Variants in FCER2 observed in about 807,000 individuals in gnomAD.
FCER2 encodes low affinity immunoglobulin epsilon Fc receptor.
A neutral mutation model predicts 49.7 loss-of-function variants in FCER2; 38 were observed. The ratio of observed to expected loss-of-function variants is 0.76; its 90% CI spans 0.59 to 1.00. FCER2 has a LOEUF of 1.00. Ranked by LOEUF, FCER2 falls within the 50% of genes least tolerant of loss-of-function variation. The pLI is 0.00. For synonymous variants in FCER2, 163 were observed against 164.6 expected (o/e 0.99, Z 0.07); for missense variants, 425 against 419.5 (o/e 1.01, Z -0.11).
chr19:7,698,676 G>T, intron 3 of FCER2, 65 bp downstream of exon 3: 1 of 1,572,624 alleles, frequency 6.4e-7, no homozygotes, highest in Non-Finnish European at 8.6e-7. Context: ...AGATGGGGGT[G>T]AAGGAGGGAA....
rs917347485 is a variant in FCER2, at chr19:7,696,919, G to C, written c.380-5C>G. ...CTTCGTTCCTCTCGTTCAATTCTTG[G>C]GGAGTCAACAAGGGGCGGTGCTCAG... On this transcript the variant is annotated splice_region_variant and splice_polypyrimidine_tract_variant and intron_variant, in intron 7 of 10. Transcript: ENST00000597921. The C allele has an allele frequency of 2.5e-6, 4 of 1,577,354 alleles. No homozygotes were observed. Among genetic ancestry groups the C allele is most frequent in the Non-Finnish European group, 3.4e-6 (4 of 1,160,670 alleles).
At chr19:7,700,257 C>G (rs2033124339) in intron 1 of FCER2, among the ~76,000 whole-genome samples, 1 of 152,190 alleles carries the variant, frequency 6.6e-6, no homozygotes. Flanking sequence ...CATTCTCAGC[C>G]TCAGTTTTCC....
At position 7,697,316 on chromosome 19, in the gene FCER2, G is replaced by A. The variant is rs773195059; in HGVS notation, c.254-18C>T. 1.4e-5 allele frequency: 23 copies of A among 1,613,462 alleles called. No homozygotes were observed. In the South Asian group the frequency reaches 2.5e-4, roughly 18 times the overall value. On this transcript the variant is annotated intron_variant, in intron 5 of 10. Transcript: ENST00000597921. ...CTGCGTGGCTGTTTGCAGGGGAGGG[G>A]GCTTCATGGTAAGCAGGTCCTCATT...
At chr19:7,696,730 GC>G (rs1159659740) in intron 8 of FCER2, 94 bp downstream of exon 8, 2 of 854,570 alleles carry the variant, frequency 2.3e-6, no homozygotes, top group Admixed American at 4.5e-5. Context: ...TAGACATGCT[GC>G]CTCACGTCAC....
intron 1 of FCER2, 136 bp from the exon 2 acceptor site, chr19:7,699,981 G>A (rs934356682): frequency 1.2e-4 from 72 of 598,698 alleles, no homozygotes; most frequent in Non-Finnish European, 1.9e-4. Context: ...TCACTAGCGT[G>A]GTTAGCAGGG....
At chr19:7,695,773 C>G (rs1038594578) in intron 8 of FCER2, among the ~76,000 whole-genome samples, 6 of 152,170 alleles carry the variant, frequency 3.9e-5, no homozygotes, top group Middle Eastern at 3.4e-3. Flanking sequence ...AAAAATTAGC[C>G]TGGCGTGGTG....
In FCER2 at chr19:7,696,907, G is replaced by A. The variant is rs777697965; in HGVS notation, c.387C>T (p.Asn129=). Residue 129 remains asparagine (N), a synonymous_variant, in exon 8 of 11, where the codon AAC becomes AAT. Transcript: ENST00000597921. The stretch of plus-strand genomic sequence containing the variant: ...GCAAATCTGAAGCTTCGTTCCTCTC[G>A]TTCAATTCTTGGGGAGTCAACAAGG... ...DLSSFKSQEL[N]ERNEASDLLE... is the part of the protein sequence containing the mutation. 2.4e-5 allele frequency: 38 copies of A among 1,581,758 alleles called. No homozygotes were observed. The highest frequency in any genetic ancestry group is 9.1e-5 in the Admixed American group (5 of 54,730).
chr19:7,701,663 G>C (rs887327299), intron 1 of FCER2, among the ~76,000 whole-genome samples: 5 of 152,084 alleles, frequency 3.3e-5, no homozygotes, highest in African/African-American at 1.2e-4. Context: ...CTACTGGTAA[G>C]TGCTGGGTGG....
chr19:7,689,324 C>T lies in FCER2; in HGVS notation c.835G>A (p.Ala279Thr). 2.5e-6 allele frequency: 4 copies of T among 1,613,118 alleles called. No individual in the cohort carries two copies. Among genetic ancestry groups the T allele is most frequent in the Non-Finnish European group, 2.5e-6 (3 of 1,179,714 alleles). Residue 279 changes from alanine to threonine, a missense_variant, in exon 11 of 11, where the codon GCC (alanine) becomes ACC (threonine). Transcript: ENST00000597921. ...GTGGCCAGCCGGTCGCACACCCAGGCGCCCAGCTTACGGTCGCAGAAGGCG... is the reference window on the plus strand; with the variant it reads ...GTGGCCAGCCGGTCGCACACCCAGGTGCCCAGCTTACGGTCGCAGAAGGCG... ...NDAFCDRKLG[A>T]WVCDRLATCT... is the part of the protein sequence containing the mutation.
chr19:7,695,620 A>T (rs1239030101), intron 8 of FCER2, among the ~76,000 whole-genome samples: 1 of 102,452 alleles, frequency 9.8e-6, no homozygotes, highest in Non-Finnish European at 2.0e-5. Flanking sequence ...TACAAAAAAT[A>T]AAAAAATTAG....
chr19:7,696,801 C>T, intron 8 of FCER2, 24 bp downstream of exon 8: 1 of 1,548,720 alleles, frequency 6.5e-7, no homozygotes, highest in South Asian at 1.2e-5. Flanking sequence ...ACGCGTCGTC[C>T]TGAGCAGAGA....
chr19:7,691,362 G>A (rs532218425), intron 8 of FCER2, among the ~76,000 whole-genome samples: 49 of 152,266 alleles, frequency 3.2e-4, no homozygotes, highest in Non-Finnish European at 5.7e-4. Flanking sequence ...TCCACAGCCA[G>A]CAGCACCTCA....
At chr19:7,697,672 C>T (rs569181984) in intron 4 of FCER2, 83 bp from the exon 5 acceptor site, 2 of 1,087,614 alleles carry the variant, frequency 1.8e-6, no homozygotes, top group Non-Finnish European at 1.4e-6. Flanking sequence ...GCTCAGGGAC[C>T]CTCTCACATA....
intron 7 of FCER2, 23 bp from the exon 8 acceptor site, chr19:7,696,937 G>C (rs763439886): frequency 1.3e-6 from 2 of 1,566,560 alleles, no homozygotes; most frequent in Middle Eastern, 1.7e-4. Context: ...ACAAGGGGCG[G>C]TGCTCAGAGA....
intron 8 of FCER2, among the ~76,000 whole-genome samples, chr19:7,694,837 A>AT (rs59420882): frequency 2.3e-4 from 34 of 150,798 alleles, no homozygotes; most frequent in African/African-American, 7.1e-4. Flanking sequence ...CCGTACAGTA[A>AT]TTTTTTTTTT....
intron 8 of FCER2, among the ~76,000 whole-genome samples, chr19:7,690,809 A>G (rs903683998): frequency 3.3e-5 from 5 of 152,092 alleles, no homozygotes; most frequent in Non-Finnish European, 5.9e-5. Context: ...CACGGTGTCG[A>G]CCATCAACAC....
chr19:7,698,955 G>T, intron 2 of FCER2, 101 bp from the exon 3 acceptor site: 1 of 1,286,812 alleles, frequency 7.8e-7, no homozygotes, highest in Non-Finnish European at 1.1e-6. Context: ...CTGGGAGCTT[G>T]TCCAGAGCCC....
intron 8 of FCER2, among the ~76,000 whole-genome samples, 178 bp from the exon 9 acceptor site, chr19:7,690,735 G>C (rs907252131): frequency 6.6e-6 from 1 of 152,112 alleles, no homozygotes; most frequent in Non-Finnish European, 1.5e-5. Flanking sequence ...CTATGATGCT[G>C]ACCAGATCCA....
chr19:7,691,896 C>G (rs965076515), intron 8 of FCER2, among the ~76,000 whole-genome samples: 5 of 152,110 alleles, frequency 3.3e-5, no homozygotes, highest in African/African-American at 9.7e-5. Flanking sequence ...CTAGAAGCAC[C>G]TCAACCACCA....
Sources: gnomAD v4.1 joint callset for allele counts (sites outside exome capture counted in the v4.1 genomes callset) on GRCh38, gnomAD v4.1.1 for gene constraint, MANE v1.5 for transcripts, NCBI Gene and HGNC (gene_info 2026-07-23, HGNC 2026-07-21) for gene names.